The following TRUB1 variants were observed in gnomAD, a reference collection of about 807,000 sequenced individuals.
TRUB1 encodes the protein TruB pseudouridine synthase family member 1.
Under a neutral mutation model 33.9 loss-of-function variants are expected in TRUB1, and 23 were observed. That is an observed-to-expected ratio of 0.68 (90% confidence interval 0.49 to 0.96). The LOEUF (loss-of-function observed/expected upper bound fraction) is 0.96, where lower values mean the gene tolerates loss of function less well. TRUB1 is among the 40% of genes least tolerant of loss of function. TRUB1 has a pLI of 0.00. For synonymous variants in TRUB1, 163 were observed against 165.4 expected (o/e 0.99, Z 0.11); for missense variants, 378 against 422.2 (o/e 0.90, Z 0.92).
At chr10:114,959,861 G>A (rs1358981357) in intron 4 of TRUB1, 54 bp downstream of exon 4, 2 of 1,080,290 alleles carry the variant, frequency 1.9e-6, no homozygotes, top group East Asian at 2.4e-5. Context: ...AAAAGTTTCT[G>A]TGCAGGTAGC....
At chr10:114,953,557 A>G (rs2084246577) in intron 3 of TRUB1, among the ~76,000 whole-genome samples, 1 of 152,222 alleles carries the variant, frequency 6.6e-6, no homozygotes, top group Non-Finnish European at 1.5e-5. Context: ...ACTAAGACCC[A>G]TAGTAAGAAA....
intron 3 of TRUB1, among the ~76,000 whole-genome samples, chr10:114,958,144 T>C (rs772175882): frequency 6.6e-6 from 1 of 152,216 alleles, no homozygotes; most frequent in Non-Finnish European, 1.5e-5. Flanking sequence ...CAGTCAGAAT[T>C]CAAATCCAGC....
chr10:114,965,150 C>T (rs958561487), intron 4 of TRUB1, among the ~76,000 whole-genome samples: 1 of 151,952 alleles, frequency 6.6e-6, no homozygotes, highest in Non-Finnish European at 1.5e-5. Flanking sequence ...AGGATGGTCT[C>T]AATCTCCTGA....
chr10:114,951,145 C>T lies in TRUB1; in HGVS notation c.437C>T (p.Ser146Phe), dbSNP rs1418758996. The T allele has an allele frequency of 1.9e-6, 3 of 1,610,764 alleles. No homozygotes were observed. Among genetic ancestry groups the T allele is most frequent in the Admixed American group, 1.7e-5 (1 of 59,834 alleles). Reference sequence around the variant, plus strand: ...ATGTTGACCAGTATGTTGTCAGGGTCCAAGGTAAGAATACTGAAATAGTTC... The same window carrying T: ...ATGTTGACCAGTATGTTGTCAGGGTTCAAGGTAAGAATACTGAAATAGTTC... ...TKMLTSMLSG[S>F]KRYTAIGELG... The change falls in exon 3 of 8, where the codon TCC becomes TTC. Residue 146 changes from serine (S) to phenylalanine (F), a missense_variant. Ser to Phe is a radical substitution (Grantham distance 155, BLOSUM62 -2). Transcript: ENST00000298746.
At chr10:114,939,826 C>CTTTTTTT (rs1226215746) in intron 1 of TRUB1, among the ~76,000 whole-genome samples, 1 of 55,024 alleles carries the variant, frequency 1.8e-5, no homozygotes, top group African/African-American at 6.9e-5. Context: ...GGTTTCTTTT[C>CTTTTTTT]TTTTTTTTTT....
rs765682149 is a variant in TRUB1, at chr10:114,938,212, AGCGT to A, written c.-39_-36del. 51 of 1,601,184 alleles carry A rather than the reference AGCGT, an allele frequency of 3.2e-5. 2 individuals carry two copies. The South Asian group carries it at 5.7e-4, about 18-fold the overall frequency. On this transcript the variant is annotated 5_prime_UTR_variant, in exon 1 of 8. Transcript: ENST00000298746. ...TCAGGCGCACTCTTGTTGCATCATC[AGCGT>A]GCACCTCCACGATGAAACAGGTCTG...
At chr10:114,961,200 G>A (rs2084283869) in intron 4 of TRUB1, among the ~76,000 whole-genome samples, 1 of 152,030 alleles carries the variant, frequency 6.6e-6, no homozygotes, top group Non-Finnish European at 1.5e-5. Context: ...TGAATTTGGA[G>A]GTCTCATAGA....
In TRUB1 at chr10:114,938,508, G is replaced by A; in HGVS notation, c.255G>A (p.Leu85=). 6.4e-7 allele frequency: 1 copy of A among 1,560,740 alleles called. No homozygotes were observed. Among genetic ancestry groups the A allele is most frequent in the Admixed American group, 2.0e-5 (1 of 49,356 alleles). The change falls in exon 1 of 8, where the codon CTG becomes CTA. Residue 85 remains leucine, a synonymous_variant. Coordinates refer to ENST00000298746, the MANE Select transcript of TRUB1 (RefSeq NM_139169.5). ...HKPKGPTSAE[L]LNRLKEKLLA... is the part of the protein sequence containing the mutation. ...CCAAAGGGCCCACTTCAGCCGAGCT[G>A]CTGAATCGGTTGAAGGAGAAGCTGC...
At chr10:114,967,085 T>G (rs2084311726) in intron 4 of TRUB1, among the ~76,000 whole-genome samples, 1 of 152,222 alleles carries the variant, frequency 6.6e-6, no homozygotes, top group Non-Finnish European at 1.5e-5. Context: ...TAGAATTTAG[T>G]CAGAGTATCA....
intron 7 of TRUB1, among the ~76,000 whole-genome samples, chr10:114,974,848 T>G (rs1187581863): frequency 6.6e-6 from 1 of 152,170 alleles, no homozygotes; most frequent in Non-Finnish European, 1.5e-5. Context: ...GTGCGGCTAA[T>G]CTTTACTCCA....
intron 4 of TRUB1, among the ~76,000 whole-genome samples, chr10:114,968,540 T>TATAAACATTA (rs149375460): frequency 0.019 from 2,847 of 152,342 alleles, 79 homozygotes; most frequent in African/African-American, 0.063. Flanking sequence ...TTAATGTTGC[T>TATAAACATTA]GTAGACTAAA....
intron 2 of TRUB1, among the ~76,000 whole-genome samples, chr10:114,946,632 A>G (rs1592048705): frequency 6.6e-6 from 1 of 152,136 alleles, no homozygotes; most frequent in Non-Finnish European, 1.5e-5. Flanking sequence ...GTGAGCCACC[A>G]TGCCCGGCCA....
chr10:114,945,759 C>G (rs1008325200), intron 2 of TRUB1, among the ~76,000 whole-genome samples: 3 of 151,906 alleles, frequency 2.0e-5, no homozygotes, highest in African/African-American at 7.3e-5. Context: ...TCATTGTGAC[C>G]CAGGGAAGCC....
chr10:114,953,960 G>A (rs1410323124), intron 3 of TRUB1, among the ~76,000 whole-genome samples: 1 of 151,920 alleles, frequency 6.6e-6, no homozygotes, highest in Non-Finnish European at 1.5e-5. Flanking sequence ...TCCAACACTG[G>A]GGATTATATT....
Position 114,977,008 on chromosome 10 carries a change from C to A in TRUB1, c.*1629C>A, listed in dbSNP as rs1466923953. The stretch of plus-strand genomic sequence containing the variant: ...GTCCTCTTCCATTGCAAATTAAAGT[C>A]CAAATAGAGAAATACTTAGGTTTTA... On this transcript the variant is annotated 3_prime_UTR_variant, in exon 8 of 8. Transcript: ENST00000298746. The A allele has an allele frequency of 6.6e-6, 1 of 151,982 alleles. No individual in the cohort carries two copies. Among genetic ancestry groups the A allele is most frequent in the Non-Finnish European group, 1.5e-5 (1 of 67,984 alleles). The allele number at this position is 151,982 out of a possible 1,614,324, so 9.4% of individuals were successfully genotyped here. A position where few individuals can be genotyped will look rare whatever the true frequency, so the allele number is the denominator to read the frequency against.
At chr10:114,952,790 C>T (rs2084242949) in intron 3 of TRUB1, among the ~76,000 whole-genome samples, 1 of 152,054 alleles carries the variant, frequency 6.6e-6, no homozygotes, top group Non-Finnish European at 1.5e-5. Context: ...TTATACTGTG[C>T]TTACTGACAC....
chr10:114,938,210 T>C lies in TRUB1; in HGVS notation c.-44T>C, dbSNP rs747962323. 1 of 1,599,818 alleles carries C rather than the reference T, an allele frequency of 6.3e-7. No homozygotes were observed. The highest frequency in any genetic ancestry group is 1.1e-5 in the South Asian group (1 of 88,956). On this transcript the variant is annotated 5_prime_UTR_variant, in exon 1 of 8. Coordinates refer to ENST00000298746, the MANE Select transcript of TRUB1 (RefSeq NM_139169.5). ...TGTCAGGCGCACTCTTGTTGCATCATCAGCGTGCACCTCCACGATGAAACA... is the reference window on the plus strand; with the variant it reads ...TGTCAGGCGCACTCTTGTTGCATCACCAGCGTGCACCTCCACGATGAAACA...
intron 2 of TRUB1, among the ~76,000 whole-genome samples, chr10:114,944,969 A>C (rs2084205440): frequency 6.6e-6 from 1 of 152,210 alleles, no homozygotes; most frequent in African/African-American, 2.4e-5. Context: ...AAACAAGCAC[A>C]ACAAAACAAA....
At chr10:114,942,559 G>A in intron 1 of TRUB1, 86 bp from the exon 2 acceptor site, 1 of 835,204 alleles carries the variant, frequency 1.2e-6, no homozygotes, top group Middle Eastern at 2.3e-4. Flanking sequence ...TTTTGAAAAT[G>A]CCATCCCCTT....
Sources: allele counts gnomAD v4.1 joint callset (sites outside exome capture counted in the v4.1 genomes callset), GRCh38; gene constraint gnomAD v4.1.1; transcripts MANE v1.5; gene names NCBI Gene and HGNC (gene_info 2026-07-23, HGNC 2026-07-21).